The following RBFOX1 variants were observed in gnomAD, a reference collection of about 807,000 sequenced individuals.
RBFOX1 encodes the protein RNA binding protein fox-1 homolog 1.
A neutral mutation model predicts 57.7 loss-of-function variants in RBFOX1; 8 were observed. That is an observed-to-expected ratio of 0.14 (90% CI 0.08 to 0.25). RBFOX1 has a LOEUF of 0.25. Ranked by LOEUF, RBFOX1 falls within the 10% of genes least tolerant of loss-of-function variation. The probability of loss-of-function intolerance (pLI) is 1.00; values close to 1 mark genes in which losing one functional copy is unlikely to be tolerated. For missense variants in RBFOX1, 611 were observed against 548.5 expected (o/e 1.11, Z -1.14); for synonymous variants, 326 against 222.4 (o/e 1.47, Z -4.15).
At chr16:6,820,483 C>A (rs964088188) in intron 3 of RBFOX1, among the ~76,000 whole-genome samples, 1 of 151,998 alleles carries the variant, frequency 6.6e-6, no homozygotes, top group Non-Finnish European at 1.5e-5. Flanking sequence ...ATAGAAAAAC[C>A]GTCTCTACAG....
intron 3 of RBFOX1, among the ~76,000 whole-genome samples, chr16:5,694,931 G>C (rs1286070299): frequency 6.6e-6 from 1 of 151,932 alleles, no homozygotes; most frequent in Non-Finnish European, 1.5e-5. Flanking sequence ...CTGTTAAGTA[G>C]TGTTTAGTTA....
intron 1 of RBFOX1, among the ~76,000 whole-genome samples, chr16:6,024,794 C>G (rs2095155634): frequency 6.6e-6 from 1 of 152,224 alleles, no homozygotes. Context: ...TCATTCACCC[C>G]TACTTTCTAT....
At chr16:7,222,441 AG>A (rs900777137) in intron 4 of RBFOX1, among the ~76,000 whole-genome samples, 28 of 152,292 alleles carry the variant, frequency 1.8e-4, no homozygotes, top group African/African-American at 6.7e-4. Flanking sequence ...GGCAGCCCAG[AG>A]CTCTGTCAAA....
chr16:6,073,198 C>A (rs1251376148), intron 1 of RBFOX1, among the ~76,000 whole-genome samples: 2 of 152,164 alleles, frequency 1.3e-5, no homozygotes, highest in African/African-American at 2.4e-5. Flanking sequence ...TTAATATCAT[C>A]TACTCCACTG....
At chr16:5,954,646 A>G (rs1038601884) in intron 4 of RBFOX1, among the ~76,000 whole-genome samples, 1 of 152,160 alleles carries the variant, frequency 6.6e-6, no homozygotes, top group African/African-American at 2.4e-5. Flanking sequence ...ATGAGGACTC[A>G]TAAGTTGGCA....
chr16:5,917,841 C>G (rs1450097161), intron 4 of RBFOX1, among the ~76,000 whole-genome samples: 2 of 152,114 alleles, frequency 1.3e-5, no homozygotes. Flanking sequence ...GAAATGACTT[C>G]CCATTGCAGG....
At chr16:6,514,711 T>C (rs2041287520) in intron 2 of RBFOX1, among the ~76,000 whole-genome samples, 1 of 152,056 alleles carries the variant, frequency 6.6e-6, no homozygotes, top group South Asian at 2.1e-4. Flanking sequence ...CCCTCCTCCA[T>C]AGTCATGAAG....
rs188589524 is a variant in RBFOX1, at chr16:6,918,550, T to C, written c.-15-133507T>C. Among the ~76,000 whole-genome samples, 4 of 152,286 alleles carry C rather than the reference T, an allele frequency of 2.6e-5. No individual in the cohort carries two copies. The East Asian group carries it at 7.7e-4, about 29-fold the overall frequency. On this transcript the variant is annotated intron_variant, in intron 3 of 15. Transcript: ENST00000550418. ...TTCATGTTGCAATTCCCTCCTGATA[T>C]CCAGAGGCATCATTTAAAGAATAAG...
intron 4 of RBFOX1, among the ~76,000 whole-genome samples, chr16:7,419,091 A>G (rs551334596): frequency 1.3e-5 from 2 of 152,126 alleles, no homozygotes; most frequent in South Asian, 2.1e-4. Context: ...TATTTTTACT[A>G]GAGACAGGGT....
At chr16:7,031,961 C>T (rs7191322) in intron 3 of RBFOX1, among the ~76,000 whole-genome samples, 12 of 151,992 alleles carry the variant, frequency 7.9e-5, no homozygotes, top group African/African-American at 2.4e-4. Flanking sequence ...TGGACTTCCT[C>T]GTTATTTGAA....
chr16:5,396,029 G>A (rs2066543533), intron 1 of RBFOX1, among the ~76,000 whole-genome samples: 1 of 152,178 alleles, frequency 6.6e-6, no homozygotes, highest in African/African-American at 2.4e-5. Context: ...AGAGCTGAGG[G>A]AGAGAACCCA....
intron 2 of RBFOX1, among the ~76,000 whole-genome samples, chr16:6,506,788 A>C (rs114499850): frequency 6.6e-6 from 1 of 151,948 alleles, no homozygotes; most frequent in Non-Finnish European, 1.5e-5. Context: ...CTGGGATTAC[A>C]GGCACCAACC....
At chr16:7,352,569 C>T (rs535689293) in intron 4 of RBFOX1, among the ~76,000 whole-genome samples, 24 of 152,238 alleles carry the variant, frequency 1.6e-4, no homozygotes, top group Non-Finnish European at 7.3e-5. Context: ...CAGCCATTCT[C>T]CAGGAAGAGT....
At chr16:6,016,094 G>C (rs1432266668), upstream of RBFOX1, among the ~76,000 whole-genome samples, 1 of 152,216 alleles carries the variant, frequency 6.6e-6, no homozygotes, top group Non-Finnish European at 1.5e-5. Flanking sequence ...ATCATTTATT[G>C]AGCTTATTAT....
intron 3 of RBFOX1, among the ~76,000 whole-genome samples, chr16:5,764,737 C>A (rs1205585834): frequency 6.6e-6 from 1 of 152,170 alleles, no homozygotes; most frequent in South Asian, 2.1e-4. Context: ...TTCAGTTCCT[C>A]CATCCTTCAA....
intron 2 of RBFOX1, among the ~76,000 whole-genome samples, chr16:6,486,878 T>G (rs1398632190): frequency 6.6e-6 from 1 of 152,160 alleles, no homozygotes; most frequent in Non-Finnish European, 1.5e-5. Flanking sequence ...CATGCATAAT[T>G]TGATTTTAAT....
intron 3 of RBFOX1, among the ~76,000 whole-genome samples, chr16:5,755,799 T>C (rs1453089104): frequency 6.6e-6 from 1 of 152,148 alleles, no homozygotes; most frequent in African/African-American, 2.4e-5. Context: ...GGTTTCACCA[T>C]GTTGGTCAGG....
intron 2 of RBFOX1, among the ~76,000 whole-genome samples, chr16:6,545,415 C>T (rs915702354): frequency 6.6e-5 from 10 of 152,164 alleles, no homozygotes; most frequent in African/African-American, 2.2e-4. Flanking sequence ...CTCTCCAGGC[C>T]ATCATTCTTA....
intron 3 of RBFOX1, among the ~76,000 whole-genome samples, chr16:6,953,573 G>T (rs1353535631): frequency 6.6e-6 from 1 of 152,100 alleles, no homozygotes; most frequent in Non-Finnish European, 1.5e-5. Context: ...CTTTAGTAGA[G>T]ATGGGGTTTT....
Sources: gnomAD v4.1 joint callset for allele counts (sites outside exome capture counted in the v4.1 genomes callset) on GRCh38, gnomAD v4.1.1 for gene constraint, MANE v1.5 for transcripts, NCBI Gene and HGNC (gene_info 2026-07-23, HGNC 2026-07-21) for gene names.